RANBP17: variants seen among roughly 807,000 people sequenced by gnomAD.
RANBP17 encodes RAN binding protein 17.
A neutral mutation model predicts 141.2 loss-of-function variants in RANBP17; 158 were observed. That is an observed-to-expected ratio of 1.12 (90% confidence interval 0.98 to 1.28). RANBP17 has a LOEUF of 1.28. Among genes scored for constraint, RANBP17 ranks in the 50% most tolerant of loss-of-function variants. The pLI is 0.00. For synonymous variants in RANBP17, 430 were observed against 450.0 expected (o/e 0.96, Z 0.56); for missense variants, 1,438 against 1,290.7 (o/e 1.11, Z -1.75).
At chr5:170,977,069 G>A (rs1046214968) in intron 14 of RANBP17, among the ~76,000 whole-genome samples, 1 of 152,002 alleles carries the variant, frequency 6.6e-6, no homozygotes, top group African/African-American at 2.4e-5. Flanking sequence ...ACAAAAATGG[G>A]AGAAGATATT....
chr5:170,906,210 C>A (rs747810401), intron 5 of RANBP17, among the ~76,000 whole-genome samples: 9 of 152,068 alleles, frequency 5.9e-5, no homozygotes, highest in Non-Finnish European at 1.2e-4. Flanking sequence ...AACACTCTTT[C>A]TAGCAGAAGA....
intron 25 of RANBP17, among the ~76,000 whole-genome samples, chr5:171,291,093 T>C (rs1480250107): frequency 6.6e-6 from 1 of 152,196 alleles, no homozygotes; most frequent in African/African-American, 2.4e-5. Context: ...CCATACCACG[T>C]TGGTTTCTCT....
chr5:171,278,020 T>C (rs1383093168), intron 25 of RANBP17, among the ~76,000 whole-genome samples: 1 of 146,014 alleles, frequency 6.8e-6, no homozygotes, highest in Non-Finnish European at 1.5e-5. Context: ...CCAAGCTGGC[T>C]CAGTTTGAGT....
At chr5:171,268,433 G>A (rs944874982) in intron 25 of RANBP17, among the ~76,000 whole-genome samples, 7 of 152,092 alleles carry the variant, frequency 4.6e-5, no homozygotes, top group Non-Finnish European at 8.8e-5. Context: ...AAAAGCGCAA[G>A]TTCTTACTAC....
intron 14 of RANBP17, among the ~76,000 whole-genome samples, chr5:171,120,259 G>A (rs757531228): frequency 1.1e-4 from 16 of 152,164 alleles, no homozygotes; most frequent in Non-Finnish European, 1.9e-4. Flanking sequence ...CTCTGGGTCA[G>A]ACTTGAAGCC....
intron 3 of RANBP17, among the ~76,000 whole-genome samples, chr5:170,891,554 C>T (rs1769605790): frequency 6.6e-6 from 1 of 152,086 alleles, no homozygotes; most frequent in African/African-American, 2.4e-5. Context: ...GTTTAATTGG[C>T]TCATGGTTCT....
rs186439386 is a variant in RANBP17 at position 171,227,290 on chromosome 5, C to A, written c.2422+5450C>A. ...ATTAAAAATTCTACACTAGCAAACACACAAATGATAAAAAAGTGAAACAAC... is the reference window on the plus strand; with the variant it reads ...ATTAAAAATTCTACACTAGCAAACAAACAAATGATAAAAAAGTGAAACAAC... On this transcript the variant is annotated intron_variant, in intron 22 of 27. Transcript: ENST00000523189. 1.7e-3 allele frequency among the ~76,000 whole-genome samples: 265 copies of A among 152,288 alleles called. 1 individual carries two copies. Among genetic ancestry groups the A allele is most frequent in the African/African-American group, 5.9e-3 (245 of 41,554 alleles).
chr5:171,164,250 T>C (rs1759528015), intron 14 of RANBP17, among the ~76,000 whole-genome samples: 1 of 152,178 alleles, frequency 6.6e-6, no homozygotes, highest in African/African-American at 2.4e-5. Context: ...TTGACATAAT[T>C]AGTTTCCTCA....
At chr5:171,023,639 TTTTG>T (rs1399295552) in intron 14 of RANBP17, among the ~76,000 whole-genome samples, 1 of 152,198 alleles carries the variant, frequency 6.6e-6, no homozygotes, top group African/African-American at 2.4e-5. Context: ...CAGTTTGGCA[TTTTG>T]TTTTTCTTTC....
At chr5:171,142,291 G>A (rs890502546) in intron 14 of RANBP17, among the ~76,000 whole-genome samples, 1 of 152,116 alleles carries the variant, frequency 6.6e-6, no homozygotes, top group East Asian at 1.9e-4. Context: ...AGAATTTTCT[G>A]CCAAAATGTA....
intron 14 of RANBP17, among the ~76,000 whole-genome samples, chr5:171,114,515 T>C (rs1396511219): frequency 6.6e-6 from 1 of 151,814 alleles, no homozygotes; most frequent in African/African-American, 2.4e-5. Flanking sequence ...GCAGATTGGG[T>C]ATAAATGTTT....
At chr5:170,862,128 C>G (rs911363158) in intron 1 of RANBP17, 77 bp downstream of exon 1, 64 of 1,355,602 alleles carry the variant, frequency 4.7e-5, no homozygotes, top group Non-Finnish European at 5.9e-5. Flanking sequence ...GACCGAGGGC[C>G]GAGGACAGCG....
intron 20 of RANBP17, among the ~76,000 whole-genome samples, chr5:171,213,101 A>G (rs1330570656): frequency 6.6e-6 from 1 of 152,182 alleles, no homozygotes; most frequent in Non-Finnish European, 1.5e-5. Flanking sequence ...GCAATTCAAC[A>G]ATATTTTTTT....
chr5:170,938,136 A>G (rs1774039766), intron 12 of RANBP17, among the ~76,000 whole-genome samples: 1 of 152,184 alleles, frequency 6.6e-6, no homozygotes, highest in African/African-American at 2.4e-5. Flanking sequence ...ACAGCAAACA[A>G]GGGCAAAAAG....
rs535732285 is a variant in RANBP17 at position 171,006,158 on chromosome 5, T to G, written c.1710+37781T>G. 4.7e-3 allele frequency among the ~76,000 whole-genome samples: 723 copies of G among 152,298 alleles called. 4 individuals carry two copies. Among genetic ancestry groups the G allele is most frequent in the African/African-American group, 0.017 (701 of 41,558 alleles). On this transcript the variant is annotated intron_variant, in intron 14 of 27. Transcript: ENST00000523189. ...TTTACACTGTTGGTGGGACTGTAAATTAGTTCAACCATTGTGGAAGTCAGT... is the reference window on the plus strand; with the variant it reads ...TTTACACTGTTGGTGGGACTGTAAAGTAGTTCAACCATTGTGGAAGTCAGT...
chr5:171,073,487 A>G (rs896729716), intron 14 of RANBP17, among the ~76,000 whole-genome samples: 1 of 152,180 alleles, frequency 6.6e-6, no homozygotes, highest in Non-Finnish European at 1.5e-5. Context: ...CTGTCAGAGT[A>G]AGAAGTTACA....
chr5:171,272,115 T>A (rs2128027728), intron 25 of RANBP17, among the ~76,000 whole-genome samples: 2 of 152,270 alleles, frequency 1.3e-5, no homozygotes, highest in South Asian at 4.1e-4. Flanking sequence ...TACAGCATGT[T>A]CTCACTTACA....
chr5:171,219,329 T>C (rs954220309), intron 21 of RANBP17, among the ~76,000 whole-genome samples: 6 of 152,214 alleles, frequency 3.9e-5, no homozygotes, highest in African/African-American at 1.4e-4. Context: ...TAACATTTTT[T>C]CCTTCGTTTC....
Position 170,974,344 on chromosome 5 carries a change from C to G in RANBP17, c.1710+5967C>G, listed in dbSNP as rs560928252. On this transcript the variant is annotated intron_variant, in intron 14 of 27. Transcript: ENST00000523189. ...GAAGGAAGAAATGACAGGTCTTGAA[C>G]ACGTCCAAAACTTAATAAGGCAGCA... 8.6e-4 allele frequency among the ~76,000 whole-genome samples: 131 copies of G among 152,326 alleles called. 1 individual carries two copies. Among genetic ancestry groups the G allele is most frequent in the Non-Finnish European group, 1.4e-3 (96 of 68,040 alleles).
Sources: gnomAD v4.1 joint callset for allele counts (sites outside exome capture counted in the v4.1 genomes callset) on GRCh38, gnomAD v4.1.1 for gene constraint, MANE v1.5 for transcripts, NCBI Gene and HGNC (gene_info 2026-07-23, HGNC 2026-07-21) for gene names.